The following HECW2 variants were observed in gnomAD, a reference collection of about 807,000 sequenced individuals.
The protein encoded by HECW2 is E3 ubiquitin-protein ligase HECW2.
A neutral mutation model predicts 175.2 loss-of-function variants in HECW2; 61 were observed. That is an observed-to-expected ratio of 0.35 (90% CI 0.28 to 0.43). HECW2 has a LOEUF of 0.43. Ranked by LOEUF, HECW2 falls within the 20% of genes least tolerant of loss-of-function variation. The pLI is 1.00. For missense variants in HECW2, 1,524 were observed against 2,000.5 expected, an observed-to-expected ratio of 0.76 and a Z score of 4.54; for synonymous variants, 671 against 731.0, an observed-to-expected ratio of 0.92 and a Z score of 1.32.
chr2:196,321,289 G>A (rs1275092929), intron 7 of HECW2, among the ~76,000 whole-genome samples: 4 of 151,932 alleles, frequency 2.6e-5, no homozygotes, highest in African/African-American at 9.7e-5. Flanking sequence ...TTTTCCATCT[G>A]TTTCAAGTCT....
intron 14 of HECW2, among the ~76,000 whole-genome samples, chr2:196,283,060 A>G (rs902008669): frequency 1.3e-5 from 2 of 151,802 alleles, no homozygotes; most frequent in African/African-American, 4.8e-5. Flanking sequence ...GGAGAGGGAG[A>G]CCGTCCTGGC....
intron 10 of HECW2, chr2:196,316,523 C>A (rs1013776374): frequency 1.3e-5 from 2 of 152,106 alleles, no homozygotes; most frequent in Non-Finnish European, 2.9e-5. Context: ...GTTTACCAGG[C>A]TTTATCAATA....
intron 1 of HECW2, among the ~76,000 whole-genome samples, chr2:196,514,439 G>A (rs1270217330): frequency 6.6e-6 from 1 of 152,210 alleles, no homozygotes; most frequent in Non-Finnish European, 1.5e-5. Context: ...ACAGCAGCAG[G>A]AGGCAGAAGG....
At chr2:196,564,586 A>G (rs1055926357) in intron 1 of HECW2, among the ~76,000 whole-genome samples, 2 of 152,186 alleles carry the variant, frequency 1.3e-5, no homozygotes, top group African/African-American at 4.8e-5. Flanking sequence ...GATGGATCTT[A>G]TGAGTGCTGC....
chr2:196,560,048 C>A (rs1182422981), intron 1 of HECW2, among the ~76,000 whole-genome samples: 1 of 152,096 alleles, frequency 6.6e-6, no homozygotes, highest in Non-Finnish European at 1.5e-5. Flanking sequence ...TATGAATCAC[C>A]TGGAGATGGT....
chr2:196,378,981 A>G (rs1296480434), intron 2 of HECW2, among the ~76,000 whole-genome samples: 1 of 152,168 alleles, frequency 6.6e-6, no homozygotes, highest in Non-Finnish European at 1.5e-5. Flanking sequence ...CTTGGGGAAA[A>G]ACATTAACTT....
chr2:196,307,297 C>A, intron 11 of HECW2, 64 bp from the exon 12 acceptor site: 1 of 1,114,258 alleles, frequency 9.0e-7, no homozygotes, highest in South Asian at 1.3e-5. Flanking sequence ...AACTGCTCCC[C>A]AAGAGTCTAG....
At chr2:196,404,239 T>C (rs1694899158) in intron 2 of HECW2, among the ~76,000 whole-genome samples, 1 of 152,164 alleles carries the variant, frequency 6.6e-6, no homozygotes, top group Non-Finnish European at 1.5e-5. Flanking sequence ...TTACATGAAC[T>C]TTAATAGTTA....
intron 28 of HECW2, among the ~76,000 whole-genome samples, 172 bp from the exon 29 acceptor site, chr2:196,201,560 T>G (rs1197168075): frequency 6.6e-6 from 1 of 152,130 alleles, no homozygotes; most frequent in Non-Finnish European, 1.5e-5. Flanking sequence ...ATTTTGACCT[T>G]AAAAATTCAG....
At chr2:196,386,606 T>A (rs2105931070) in intron 2 of HECW2, among the ~76,000 whole-genome samples, 1 of 152,284 alleles carries the variant, frequency 6.6e-6, no homozygotes, top group South Asian at 2.1e-4. Flanking sequence ...GTGAGAAAAA[T>A]ATCCTTGGCC....
intron 28 of HECW2, among the ~76,000 whole-genome samples, chr2:196,214,038 T>C (rs1687383459): frequency 1.3e-5 from 2 of 152,224 alleles, no homozygotes; most frequent in African/African-American, 4.8e-5. Flanking sequence ...TTACAGATGA[T>C]GGTGACAGAA....
At chr2:196,535,435 A>G (rs1463456400) in intron 1 of HECW2, among the ~76,000 whole-genome samples, 3 of 152,240 alleles carry the variant, frequency 2.0e-5, no homozygotes, top group Admixed American at 6.5e-5. Flanking sequence ...CAGCGGTTAG[A>G]GTGGTGAGTT....
At chr2:196,375,110 G>A (rs1026919670) in intron 2 of HECW2, among the ~76,000 whole-genome samples, 1 of 150,206 alleles carries the variant, frequency 6.7e-6, no homozygotes, top group African/African-American at 2.5e-5. Context: ...AGTGAGCTGA[G>A]ATCATGCCAC....
At chr2:196,504,610 G>A (rs776322155) in intron 1 of HECW2, among the ~76,000 whole-genome samples, 12 of 152,168 alleles carry the variant, frequency 7.9e-5, no homozygotes, top group Non-Finnish European at 1.5e-4. Context: ...ACTCTTTAGA[G>A]TTCAGCAAGC....
Position 196,198,134 on chromosome 2 carries a change from T to A in HECW2, c.*3143A>T, listed in dbSNP as rs1484459368. 1 of 152,180 alleles carries A rather than the reference T, an allele frequency of 6.6e-6. No individual in the cohort carries two copies. Among genetic ancestry groups the A allele is most frequent in the Non-Finnish European group, 1.5e-5 (1 of 68,026 alleles). 9.4% of individuals were successfully genotyped at this position (152,180 alleles called of 1,614,324 possible). A position where few individuals can be genotyped will look rare whatever the true frequency, so the allele number is the denominator to read the frequency against. ...TGAAAACCAATGGTGCATTGTAGAA[T>A]AGATGAAGGGAAACAGGGAAACTTT... On this transcript the variant is annotated 3_prime_UTR_variant, in exon 29 of 29. Coordinates refer to ENST00000644978, the MANE Select transcript of HECW2 (RefSeq NM_001348768.2).
intron 21 of HECW2, among the ~76,000 whole-genome samples, chr2:196,232,961 T>C (rs1297731632): frequency 6.6e-6 from 1 of 152,204 alleles, no homozygotes; most frequent in African/African-American, 2.4e-5. Context: ...AAACTTTGAT[T>C]TGATTATAAT....
intron 1 of HECW2, among the ~76,000 whole-genome samples, chr2:196,445,415 G>T (rs1053399437): frequency 2.6e-5 from 4 of 152,012 alleles, no homozygotes; most frequent in Non-Finnish European, 5.9e-5. Flanking sequence ...AGCATTATTG[G>T]CTTTTTTTTA....
rs563697809 is a variant in HECW2 at position 196,305,607 on chromosome 2, T to C, written c.2814+881A>G. ...TTCAATTCCTTTAACAAGTCCCTCA[T>C]TCGAATTTTCCTAGTATTATTAATT... On this transcript the variant is annotated intron_variant, in intron 13 of 28. Coordinates refer to ENST00000644978, the MANE Select transcript of HECW2 (RefSeq NM_001348768.2). Among the ~76,000 whole-genome samples, 3 of 152,302 alleles carry C rather than the reference T, an allele frequency of 2.0e-5. No homozygotes were observed. The East Asian group carries it at 5.8e-4, about 29-fold the overall frequency.
At chr2:196,283,656 C>T (rs1690273789) in intron 14 of HECW2, among the ~76,000 whole-genome samples, 2 of 152,164 alleles carry the variant, frequency 1.3e-5, no homozygotes, top group Non-Finnish European at 2.9e-5. Flanking sequence ...GTCGGAATTA[C>T]AGGCGTAAGC....
Sources: gnomAD v4.1 joint callset for allele counts (sites outside exome capture counted in the v4.1 genomes callset) on GRCh38, gnomAD v4.1.1 for gene constraint, MANE v1.5 for transcripts, NCBI Gene and HGNC (gene_info 2026-07-23, HGNC 2026-07-21) for gene names.